Variants in BICD2 observed in about 807,000 individuals in gnomAD.
BICD2 encodes BICD cargo adaptor 2.
BICD2 carries 25 observed loss-of-function variants against 72.9 expected under a neutral mutation model. That is an observed-to-expected ratio of 0.34 (90% CI 0.25 to 0.48). The LOEUF is 0.48. Among genes scored for constraint, BICD2 ranks in the 20% least tolerant of loss-of-function variants. The probability of loss-of-function intolerance (pLI) is 0.99; values close to 1 mark genes in which losing one functional copy is unlikely to be tolerated. For missense variants in BICD2, 894 were observed against 1,175.2 expected, an observed-to-expected ratio of 0.76 and a Z score of 3.50; for synonymous variants, 501 against 516.1, an observed-to-expected ratio of 0.97 and a Z score of 0.40.
In BICD2 at chr9:92,714,438, C is replaced by T. The variant is rs2131495237; in HGVS notation, c.*716G>A. ...GCCTTGGGCCCTGCCAATCTGTCAC[C>T]TCACAGGCCACTATACAAGCATCCT... On this transcript the variant is annotated 3_prime_UTR_variant, in exon 7 of 7. Coordinates refer to ENST00000356884, the MANE Select transcript of BICD2 (RefSeq NM_001003800.2). 2 of 985,500 alleles carry T rather than the reference C, an allele frequency of 2.0e-6. No homozygotes were observed. Among genetic ancestry groups the T allele is most frequent in the African/African-American group, 3.5e-5 (2 of 57,374 alleles). The allele number at this position is 985,500 out of a possible 1,614,324, so 61.0% of individuals were successfully genotyped here.
intron 1 of BICD2, among the ~76,000 whole-genome samples, chr9:92,753,897 C>G (rs948641789): frequency 1.3e-5 from 2 of 151,742 alleles, no homozygotes; most frequent in African/African-American, 4.8e-5. Context: ...GTAATTCCAG[C>G]ACCTTGGGAG....
Position 92,764,718 on chromosome 9 carries a change from C to A in BICD2, c.27G>T (p.Glu9Asp). MSAPSEEE[E>D]YARLVMEAQP... is the part of the protein sequence containing the mutation. ...GCGCCTCCATCACCAGCCGCGCGTA[C>A]TCCTCCTCCTCCGACGGCGCCGACA... is the stretch of plus-strand genomic sequence containing the variant. The change falls in exon 1 of 7, where the codon GAG becomes GAT. Residue 9 changes from glutamate (E) to aspartate (D), a missense_variant. Glu to Asp is a conservative substitution (Grantham distance 45, BLOSUM62 2). Around this residue, in one of 5 missense-constraint regions of BICD2, gnomAD observed 192 missense variants for 243.6 expected, o/e 0.79. Transcript: ENST00000356884. This position sits in a 1 kb window ranked among gnomAD's most constrained non-coding sequence, Gnocchi z 5.5. The A allele has an allele frequency of 2.5e-6, 4 of 1,574,078 alleles. No individual in the cohort carries two copies. The highest frequency in any genetic ancestry group is 2.4e-5 in the East Asian group (1 of 41,810).
intron 6 of BICD2, 62 bp from the exon 7 acceptor site, chr9:92,715,525 G>C (rs1403280961): frequency 1.3e-6 from 2 of 1,508,426 alleles, no homozygotes; most frequent in Admixed American, 4.0e-5. Context: ...GGCAGGGCAG[G>C]GCAGGGCTAA....
At position 92,713,353 on chromosome 9, in the gene BICD2, G is replaced by A; in HGVS notation, c.*1801C>T. The A allele has an allele frequency of 7.7e-7, 1 of 1,301,056 alleles. No individual in the cohort carries two copies. Among genetic ancestry groups the A allele is most frequent in the South Asian group, 1.3e-5 (1 of 77,786 alleles). 80.6% of individuals were successfully genotyped at this position (1,301,056 alleles called of 1,614,324 possible). On this transcript the variant is annotated 3_prime_UTR_variant, in exon 7 of 7. Coordinates refer to ENST00000356884, the MANE Select transcript of BICD2 (RefSeq NM_001003800.2). Reference sequence around the variant, plus strand: ...GGCATATCCAAAAAGTTTCTAAGTGGGCTTTTAGGTTGCCCTTCCTTCCTC... The same window carrying A: ...GGCATATCCAAAAAGTTTCTAAGTGAGCTTTTAGGTTGCCCTTCCTTCCTC...
intron 1 of BICD2, among the ~76,000 whole-genome samples, chr9:92,738,605 G>A (rs912225160): frequency 2.6e-5 from 4 of 152,152 alleles, no homozygotes; most frequent in Admixed American, 1.3e-4. Context: ...TTCAGTCTCC[G>A]GACAAACCTG....
Position 92,715,456 on chromosome 9 carries a change from C to T in BICD2, c.2266G>A (p.Glu756Lys), listed in dbSNP as rs1587666080. ...ATCTCATCCAGCTGTGTAATGTACTCGTCACACCTGTGGGTACCAAAAACA... is the reference window on the plus strand; with the variant it reads ...ATCTCATCCAGCTGTGTAATGTACTTGTCACACCTGTGGGTACCAAAAACA... ...LRAMFATRCD[E>K]YITQLDEMQR... Residue 756 changes from glutamate to lysine, a missense_variant, in exon 7 of 7, where the codon GAG becomes AAG. Transcript: ENST00000356884. The T allele has an allele frequency of 1.9e-6, 3 of 1,584,592 alleles. No individual in the cohort carries two copies. Among genetic ancestry groups the T allele is most frequent in the Non-Finnish European group, 8.6e-7 (1 of 1,159,598 alleles).
chr9:92,713,375 C>T lies in BICD2; in HGVS notation c.*1779G>A, dbSNP rs985317207. The T allele has an allele frequency of 4.4e-5, 65 of 1,479,304 alleles. No homozygotes were observed. The African/African-American group carries it at 8.6e-4, about 20-fold the overall frequency. 91.6% of individuals were successfully genotyped at this position (1,479,304 alleles called of 1,614,324 possible). On this transcript the variant is annotated 3_prime_UTR_variant, in exon 7 of 7. Coordinates refer to ENST00000356884, the MANE Select transcript of BICD2 (RefSeq NM_001003800.2). ...GTGGGCTTTTAGGTTGCCCTTCCTT[C>T]CTCCTTGTGGGCCACGAGAGGGAAG...
Position 92,727,738 on chromosome 9 carries a change from GTCCCCACAGCCCAC to G in BICD2, c.453+1272_453+1285del, listed in dbSNP as rs372029534. ...AGACAGTCGTCTCAGCCTCACTTTT[GTCCCCACAGCCCAC>G]TCCCCGTGTAGCCACCAAACCCAAG... is the stretch of plus-strand genomic sequence containing the variant. On this transcript the variant is annotated intron_variant, in intron 2 of 6. Coordinates refer to ENST00000356884, the MANE Select transcript of BICD2 (RefSeq NM_001003800.2). 2.0e-3 allele frequency among the ~76,000 whole-genome samples: 301 copies of G among 152,126 alleles called. 2 individuals carry two copies. Among genetic ancestry groups the G allele is most frequent in the Middle Eastern group, 0.017 (5 of 294 alleles).
rs114430958 is a variant in BICD2 at position 92,755,859 on chromosome 9, G to A, written c.240+8646C>T. Among the ~76,000 whole-genome samples the A allele has an allele frequency of 9.0e-3, 1,375 of 152,296 alleles. 23 individuals carry two copies. Among genetic ancestry groups the A allele is most frequent in the African/African-American group, 0.032 (1,325 of 41,558 alleles). On this transcript the variant is annotated intron_variant, in intron 1 of 6. Transcript: ENST00000356884. ...GCAGCTGCGTCCTGGGCCTGAGCCC[G>A]CCATGATGCTGTCACTAGAGGGAGA...
Position 92,720,281 on chromosome 9 carries a change from GGC to G in BICD2, c.1062+17_1062+18del. The G allele has an allele frequency of 6.3e-7, 1 of 1,593,302 alleles. No homozygotes were observed. Among genetic ancestry groups the G allele is most frequent in the Non-Finnish European group, 8.6e-7 (1 of 1,169,244 alleles). ...CCTGGAGTGGGGACAGCGTGCCGAA[GGC>G]CCCACTGCCTGCTCACCTGCATCAG... On this transcript the variant is annotated intron_variant, in intron 4 of 6. Transcript: ENST00000356884. The surrounding 1 kb of genome is among the most constrained non-coding windows in gnomAD (Gnocchi z 5.4).
At position 92,713,593 on chromosome 9, in the gene BICD2, T is replaced by C; in HGVS notation, c.*1561A>G. On this transcript the variant is annotated 3_prime_UTR_variant, in exon 7 of 7. Transcript: ENST00000356884. ...GGCAGAAGAGAAGACCTGCATGTGT[T>C]AGCAGGGGTCCCAGTGGCTTGGGTG... The C allele has an allele frequency of 1.3e-6, 2 of 1,533,448 alleles. No individual in the cohort carries two copies. Among genetic ancestry groups the C allele is most frequent in the Non-Finnish European group, 8.8e-7 (1 of 1,135,388 alleles). The allele number at this position is 1,533,448 out of a possible 1,614,324, so 95.0% of individuals were successfully genotyped here. A position where few individuals can be genotyped will look rare whatever the true frequency, so the allele number is the denominator to read the frequency against.
At position 92,713,529 on chromosome 9, in the gene BICD2, A is replaced by C. The variant is rs1382654938; in HGVS notation, c.*1625T>G. ...TCGCTTCCTGTTTATCTGACAATTG[A>C]AGCTCTCCACGTGCTGGGAGGGCGC... On this transcript the variant is annotated 3_prime_UTR_variant, in exon 7 of 7. Transcript: ENST00000356884. 6.4e-6 allele frequency: 10 copies of C among 1,559,666 alleles called. No individual in the cohort carries two copies. Among genetic ancestry groups the C allele is most frequent in the Non-Finnish European group, 8.7e-6 (10 of 1,151,070 alleles).
At chr9:92,745,599 G>A (rs1399691627) in intron 1 of BICD2, among the ~76,000 whole-genome samples, 1 of 152,134 alleles carries the variant, frequency 6.6e-6, no homozygotes, top group African/African-American at 2.4e-5. Flanking sequence ...CAACACAGCT[G>A]TTAACAGATA....
chr9:92,741,052 T>C (rs1012652875), intron 1 of BICD2, among the ~76,000 whole-genome samples: 2 of 152,220 alleles, frequency 1.3e-5, no homozygotes, highest in African/African-American at 4.8e-5. Flanking sequence ...CAGAAAGACA[T>C]GCCCTATCAG....
rs752402307 is a variant in BICD2, at chr9:92,719,515, C to T, written c.1130G>A (p.Arg377Gln). The T allele has an allele frequency of 1.2e-5, 19 of 1,613,406 alleles. No individual in the cohort carries two copies. The highest frequency in any genetic ancestry group is 4.0e-5 in the African/African-American group (3 of 74,940). Residue 377 changes from arginine (R) to glutamine (Q), a missense_variant, in exon 5 of 7, where the codon CGG becomes CAG. By Grantham distance (43) the Arg-to-Gln change is conservative. This residue lies in a region of BICD2 where 371 missense variants were observed against 439.1 expected (regional missense o/e 0.84). Transcript: ENST00000356884. The part of the protein sequence containing the change: ...QDTQKQLEHT[R>Q]GSLSEQQEKV... ...CTCCTGCTGTTCTGACAGGGAGCCC[C>T]GCGTGTGCTCCAGCTGCTTCTGTGT...
intron 1 of BICD2, among the ~76,000 whole-genome samples, chr9:92,735,718 G>A (rs974669669): frequency 1.2e-4 from 18 of 152,062 alleles, no homozygotes; most frequent in Non-Finnish European, 2.1e-4. Context: ...CCTCATCTCT[G>A]TTATCTCCCT....
chr9:92,734,918 GAC>G (rs1853750487), intron 1 of BICD2, among the ~76,000 whole-genome samples: 1 of 152,234 alleles, frequency 6.6e-6, no homozygotes. Context: ...GAACAAAAGG[GAC>G]ACACAGGTGG....
In BICD2 at chr9:92,719,007, A is replaced by G; in HGVS notation, c.1638T>C (p.Asn546=). The stretch of plus-strand genomic sequence containing the variant: ...CCAGCATGACACGGTTGGGTGTCTC[A>G]TTGTTGCACATGCACACGTGGTGGT... ...NLYHHVCMCN[N]ETPNRVMLDY... Residue 546 remains asparagine (N), a synonymous_variant, in exon 5 of 7, where the codon AAT becomes AAC. Transcript: ENST00000356884. 1 of 1,611,540 alleles carries G rather than the reference A, an allele frequency of 6.2e-7. No homozygotes were observed. Among genetic ancestry groups the G allele is most frequent in the East Asian group, 2.2e-5 (1 of 44,848 alleles).
At chr9:92,724,677 A>G (rs1243939234) in intron 2 of BICD2, among the ~76,000 whole-genome samples, 1 of 152,192 alleles carries the variant, frequency 6.6e-6, no homozygotes, top group Non-Finnish European at 1.5e-5. Flanking sequence ...GCCGGGCCCC[A>G]CAGTGGCTAC....
Sources: gnomAD v4.1 joint callset for allele counts (sites outside exome capture counted in the v4.1 genomes callset) on GRCh38, gnomAD v4.1.1 for gene constraint, gnomAD v4.1.1 regional missense constraint, Gnocchi (gnomAD v3.1) non-coding constraint, MANE v1.5 for transcripts, NCBI Gene and HGNC (gene_info 2026-07-23, HGNC 2026-07-21) for gene names.